Variants in OXR1 observed in about 807,000 individuals in gnomAD.
OXR1 encodes the protein oxidation resistance protein 1.
In OXR1, 41 loss-of-function variants were observed where a neutral mutation model predicts 104.6. The ratio of observed to expected loss-of-function variants is 0.39; its 90% CI spans 0.31 to 0.51. OXR1 has a LOEUF of 0.51. Ranked by LOEUF, OXR1 falls within the 20% of genes least tolerant of loss-of-function variation. OXR1 has a pLI of 0.77. For synonymous variants in OXR1, 348 were observed against 348.4 expected (o/e 1.00, Z 0.01); for missense variants, 955 against 1,031.9 (o/e 0.93, Z 1.02).
chr8:106,365,695 AT>A (rs1448377000), intron 2 of OXR1, among the ~76,000 whole-genome samples: 3 of 152,142 alleles, frequency 2.0e-5, no homozygotes, highest in Admixed American at 6.6e-5. Flanking sequence ...ATCCGCAACC[AT>A]TTTTTGGCTT....
intron 1 of OXR1, among the ~76,000 whole-genome samples, chr8:106,358,961 A>G (rs761852173): frequency 2.9e-4 from 44 of 152,226 alleles, no homozygotes; most frequent in Non-Finnish European, 5.0e-4. Flanking sequence ...CGTCTTATTT[A>G]GCGAATAATT....
chr8:106,505,672 C>T (rs954299120), intron 2 of OXR1, among the ~76,000 whole-genome samples: 3 of 152,158 alleles, frequency 2.0e-5, no homozygotes, highest in Non-Finnish European at 2.9e-5. Flanking sequence ...ATTCAAAGAG[C>T]ATTCCAGGTG....
intron 1 of OXR1, among the ~76,000 whole-genome samples, chr8:106,306,674 A>G (rs1002932924): frequency 6.6e-6 from 1 of 152,206 alleles, no homozygotes; most frequent in Non-Finnish European, 1.5e-5. Flanking sequence ...TACATTTTGT[A>G]TGATTCGATT....
At chr8:106,606,428 G>T (rs545612821) in intron 3 of OXR1, among the ~76,000 whole-genome samples, 1 of 150,934 alleles carries the variant, frequency 6.6e-6, no homozygotes, top group South Asian at 2.1e-4. Flanking sequence ...AGCCTCATTA[G>T]TAGCTGAGAT....
chr8:106,506,627 T>C (rs907185992), intron 2 of OXR1, among the ~76,000 whole-genome samples: 1 of 149,172 alleles, frequency 6.7e-6, no homozygotes, highest in African/African-American at 2.5e-5. Context: ...AAAAAAAGAG[T>C]CTTCAGGATA....
intron 2 of OXR1, among the ~76,000 whole-genome samples, chr8:106,457,786 G>A (rs1168323101): frequency 6.6e-6 from 1 of 152,168 alleles, no homozygotes; most frequent in African/African-American, 2.4e-5. Flanking sequence ...TGAAGGAAAG[G>A]CCATCCTTCT....
Position 106,447,767 on chromosome 8 carries a change from T to G in OXR1, c.24-71176T>G, listed in dbSNP as rs80172515. On this transcript the variant is annotated intron_variant, in intron 2 of 16. Transcript: ENST00000517566. ...ATACATATCTGAAGAGTCATCGTAT[T>G]TAATAACCTCCTTCGTTGTACACAC... Among the ~76,000 whole-genome samples the G allele has an allele frequency of 2.1e-4, 32 of 152,334 alleles. No homozygotes were observed. The East Asian group carries it at 4.2e-3, about 20-fold the overall frequency.
intron 2 of OXR1, among the ~76,000 whole-genome samples, chr8:106,500,454 C>T (rs1278397063): frequency 6.6e-6 from 1 of 152,260 alleles, no homozygotes; most frequent in Non-Finnish European, 1.5e-5. Context: ...CATGCAGCCC[C>T]TGTCACATAC....
chr8:106,337,946 A>T (rs973338310), intron 1 of OXR1, among the ~76,000 whole-genome samples: 2 of 152,224 alleles, frequency 1.3e-5, no homozygotes, highest in Admixed American at 6.5e-5. Context: ...TAGGTTTAGG[A>T]GAACAAATAC....
intron 6 of OXR1, among the ~76,000 whole-genome samples, chr8:106,691,989 AC>A (rs1366768442): frequency 6.7e-6 from 1 of 148,936 alleles, no homozygotes; most frequent in Non-Finnish European, 1.5e-5. Flanking sequence ...ATATATATAC[AC>A]ACACACACAC....
chr8:106,302,410 G>A (rs1401104064), intron 1 of OXR1, among the ~76,000 whole-genome samples: 1 of 151,876 alleles, frequency 6.6e-6, no homozygotes, highest in Non-Finnish European at 1.5e-5. Context: ...GTGAAACCCC[G>A]TCTCTACTAA....
At chr8:106,477,838 T>A (rs1209391515) in intron 2 of OXR1, among the ~76,000 whole-genome samples, 1 of 151,984 alleles carries the variant, frequency 6.6e-6, no homozygotes, top group East Asian at 1.9e-4. Flanking sequence ...GTGATTGTTT[T>A]CATCTACCTC....
At chr8:106,484,054 G>A (rs1394662094) in intron 2 of OXR1, among the ~76,000 whole-genome samples, 9 of 151,666 alleles carry the variant, frequency 5.9e-5, no homozygotes, top group Non-Finnish European at 1.3e-4. Context: ...CATGATCCAA[G>A]GAAGAAAAAA....
At chr8:106,667,539 T>C (rs1826472792) in intron 3 of OXR1, among the ~76,000 whole-genome samples, 1 of 152,160 alleles carries the variant, frequency 6.6e-6, no homozygotes, top group Non-Finnish European at 1.5e-5. Context: ...CATGTTTGTA[T>C]GCTGAGAGAA....
At chr8:106,677,819 A>G (rs1827758006) in intron 3 of OXR1, among the ~76,000 whole-genome samples, 2 of 152,116 alleles carry the variant, frequency 1.3e-5, no homozygotes, top group African/African-American at 4.8e-5. Context: ...TGGATGAACC[A>G]TAATTCTTTC....
At chr8:106,563,296 C>CAAAAAAAAAAAAAAAA (rs145929849) in intron 3 of OXR1, among the ~76,000 whole-genome samples, 13 of 125,756 alleles carry the variant, frequency 1.0e-4, no homozygotes, top group Non-Finnish European at 1.5e-4. Flanking sequence ...AAATGGAAAG[C>CAAAAAAAAAAAAAAAA]AAAAAAAAAA....
intron 3 of OXR1, among the ~76,000 whole-genome samples, chr8:106,672,247 G>C (rs1436407174): frequency 6.6e-6 from 1 of 151,598 alleles, no homozygotes; most frequent in East Asian, 1.9e-4. Context: ...GGAGGCCAAA[G>C]TGAGTGGATC....
intron 3 of OXR1, among the ~76,000 whole-genome samples, chr8:106,564,543 C>G (rs1348150435): frequency 6.6e-6 from 1 of 152,114 alleles, no homozygotes. Context: ...CAAGTGAATT[C>G]TACCAGAGGT....
At chr8:106,743,452 G>C (rs1188074097) in intron 15 of OXR1, among the ~76,000 whole-genome samples, 1 of 152,138 alleles carries the variant, frequency 6.6e-6, no homozygotes, top group Non-Finnish European at 1.5e-5. Flanking sequence ...CTCCCAAGTA[G>C]CTGGGATTAC....
Sources: gnomAD v4.1 joint callset for allele counts (sites outside exome capture counted in the v4.1 genomes callset) on GRCh38, gnomAD v4.1.1 for gene constraint, MANE v1.5 for transcripts, NCBI Gene and HGNC (gene_info 2026-07-23, HGNC 2026-07-21) for gene names.